Variants in OPHN1 observed in about 807,000 individuals in gnomAD.
OPHN1 encodes the protein oligophrenin-1.
A neutral mutation model predicts 60.7 loss-of-function variants in OPHN1; 11 were observed. The ratio of observed to expected loss-of-function variants is 0.18; its 90% CI spans 0.11 to 0.30. OPHN1 has a LOEUF of 0.30. OPHN1 is among the 10% of genes least tolerant of loss of function. The probability of loss-of-function intolerance (pLI) is 1.00; values close to 1 mark genes in which losing one functional copy is unlikely to be tolerated. For missense variants in OPHN1, 449 were observed against 611.0 expected, an observed-to-expected ratio of 0.73 and a Z score of 2.80; for synonymous variants, 226 against 222.6, an observed-to-expected ratio of 1.02 and a Z score of -0.14.
Position 68,213,937 on chromosome X carries a change from A to G in OPHN1, c.522T>C (p.Phe174=). The part of the protein sequence containing the change: ...DLQVDKERHN[F]FESSLDYVYQ... ...AAACATAATCAAGAGAGGACTCGAAAAAATTGTGCCTCTCCTTGTCCACCT... is the reference window on the plus strand; with the variant it reads ...AAACATAATCAAGAGAGGACTCGAAGAAATTGTGCCTCTCCTTGTCCACCT... Residue 174 remains phenylalanine (F), a synonymous_variant, in exon 7 of 25, where the codon TTT becomes TTC. Transcript: ENST00000355520. 8.3e-7 allele frequency: 1 copy of G among 1,203,388 alleles called. No individual in the cohort carries two copies.
At chrX:68,273,258 C>A (rs1311026958) in intron 5 of OPHN1, among the ~76,000 whole-genome samples, 1 of 111,735 alleles carries the variant, frequency 8.9e-6, no homozygotes, top group East Asian at 2.8e-4. Flanking sequence ...TCATCATATT[C>A]CAAATAATAT....
chrX:68,283,042 C>A lies in OPHN1; in HGVS notation c.312+14G>T. 8.4e-7 allele frequency: 1 copy of A among 1,190,449 alleles called. No homozygotes were observed. The highest frequency in any genetic ancestry group is 1.1e-6 in the Non-Finnish European group (1 of 876,274). ...CCCATGAACTCAGCTTCAGTGACAG[C>A]GTTAGTGACTTACCATCATCATCCT... On this transcript the variant is annotated intron_variant, in intron 4 of 24. Transcript: ENST00000355520.
chrX:68,218,503 G>GA (rs2077630364), intron 6 of OPHN1, among the ~76,000 whole-genome samples: 1 of 109,378 alleles, frequency 9.1e-6, no homozygotes, highest in African/African-American at 3.3e-5. Context: ...TGAAATGAAG[G>GA]AAAAAATGTT....
chrX:68,149,088 A>G (rs1395442467), intron 15 of OPHN1, among the ~76,000 whole-genome samples: 1 of 111,366 alleles, frequency 9.0e-6, no homozygotes, highest in Non-Finnish European at 1.9e-5. Context: ...GAATTCCCAA[A>G]TTCAGAAATG....
rs1262640434 is a variant in OPHN1 at position 68,125,954 on chromosome X, T to TATATATATATATATATATATATATATAC, written c.1277-6623_1277-6622insGTATATATATATATATATATATATATAT. Among the ~76,000 whole-genome samples the TATATATATATATATATATATATATATAC allele has an allele frequency of 6.2e-3, 347 of 55,619 alleles. 65 individuals carry two copies. Among genetic ancestry groups the TATATATATATATATATATATATATATAC allele is most frequent in the Non-Finnish European group, 9.1e-3 (259 of 28,342 alleles). 48.3% of individuals were successfully genotyped at this position (55,619 alleles called of 115,157 possible). ...CAATATATATATATATATATATATA[T>TATATATATATATATATATATATATATAC]ATACATACACACACACACACACACA... is the stretch of plus-strand genomic sequence containing the variant. On this transcript the variant is annotated intron_variant, in intron 15 of 24. Coordinates refer to ENST00000355520, the MANE Select transcript of OPHN1 (RefSeq NM_002547.3).
intron 19 of OPHN1, among the ~76,000 whole-genome samples, chrX:68,090,195 T>C: frequency 9.1e-6 from 1 of 109,908 alleles, no homozygotes; most frequent in Admixed American, 9.7e-5. Flanking sequence ...AATTAGATTC[T>C]CTCTCTTTAC....
intron 15 of OPHN1, among the ~76,000 whole-genome samples, chrX:68,123,117 G>A (rs1416183896): frequency 2.7e-5 from 3 of 111,475 alleles, no homozygotes; most frequent in East Asian, 5.6e-4. Context: ...AAAGGAGCTC[G>A]AATATGTCTG....
chrX:68,404,015 G>A (rs992405327), intron 2 of OPHN1, among the ~76,000 whole-genome samples: 1 of 109,736 alleles, frequency 9.1e-6, no homozygotes, highest in Non-Finnish European at 1.9e-5. Flanking sequence ...TTACATTACC[G>A]CTGCGTAACT....
At chrX:68,087,700 T>C (rs1396981054) in intron 19 of OPHN1, among the ~76,000 whole-genome samples, 1 of 111,991 alleles carries the variant, frequency 8.9e-6, no homozygotes, top group Non-Finnish European at 1.9e-5. Flanking sequence ...TGCCTTTCTA[T>C]AAATCAAAGC....
At chrX:68,198,425 T>C (rs1034961229) in intron 11 of OPHN1, among the ~76,000 whole-genome samples, 1 of 111,527 alleles carries the variant, frequency 9.0e-6, no homozygotes, top group Non-Finnish European at 1.9e-5. Context: ...GAATTTCTGT[T>C]GTTTATACAT....
intron 2 of OPHN1, among the ~76,000 whole-genome samples, chrX:68,300,760 T>C (rs1414462227): frequency 8.9e-6 from 1 of 112,986 alleles, no homozygotes; most frequent in Non-Finnish European, 1.9e-5. Flanking sequence ...ATTTATTGTG[T>C]TGCTCTTCCA....
chrX:68,213,794 C>G, intron 7 of OPHN1, 68 bp downstream of exon 7: 1 of 652,834 alleles, frequency 1.5e-6, no homozygotes. Flanking sequence ...TTTTTATGAT[C>G]AAAGTTTGTA....
chrX:68,082,905 A>C (rs187223306), intron 19 of OPHN1, among the ~76,000 whole-genome samples: 138 of 111,141 alleles, frequency 1.2e-3, no homozygotes, highest in African/African-American at 4.3e-3. Flanking sequence ...TGTGTTTTTT[A>C]GTGTTGCCAC....
At chrX:68,228,365 T>C (rs2077708232) in intron 6 of OPHN1, among the ~76,000 whole-genome samples, 1 of 110,863 alleles carries the variant, frequency 9.0e-6, no homozygotes, top group African/African-American at 3.3e-5. Flanking sequence ...CTGAAACTAT[T>C]CCAATCCATA....
At chrX:68,294,155 A>G (rs1480808541) in intron 3 of OPHN1, among the ~76,000 whole-genome samples, 1 of 110,778 alleles carries the variant, frequency 9.0e-6, no homozygotes, top group Non-Finnish European at 1.9e-5. Flanking sequence ...ATGAACAAAA[A>G]TACATATAAG....
chrX:68,261,237 G>C (rs1352281073), intron 5 of OPHN1, among the ~76,000 whole-genome samples: 3 of 111,319 alleles, frequency 2.7e-5, no homozygotes, highest in Non-Finnish European at 3.8e-5. Flanking sequence ...TCTCTGGCAA[G>C]GGCACCCTTG....
At chrX:68,290,943 A>C (rs1253312766) in intron 3 of OPHN1, among the ~76,000 whole-genome samples, 1 of 111,678 alleles carries the variant, frequency 9.0e-6, no homozygotes, top group South Asian at 3.8e-4. Context: ...AGCTAATAAT[A>C]ATCTTTTTGT....
chrX:68,237,025 G>A (rs913107003), intron 5 of OPHN1, among the ~76,000 whole-genome samples: 1 of 111,987 alleles, frequency 8.9e-6, no homozygotes, highest in South Asian at 3.7e-4. Flanking sequence ...CACTCTTGTT[G>A]CCCAGGCTGG....
At chrX:68,414,928 T>C (rs1375661275) in intron 2 of OPHN1, among the ~76,000 whole-genome samples, 2 of 112,072 alleles carry the variant, frequency 1.8e-5, no homozygotes, top group Non-Finnish European at 3.8e-5. Flanking sequence ...TGCATAAGAA[T>C]AAAAAAAGAA....
Sources: gnomAD v4.1 joint callset for allele counts (sites outside exome capture counted in the v4.1 genomes callset) on GRCh38, gnomAD v4.1.1 for gene constraint, MANE v1.5 for transcripts, NCBI Gene and HGNC (gene_info 2026-07-23, HGNC 2026-07-21) for gene names.